FMN2: variants seen among roughly 807,000 people sequenced by gnomAD.
The protein encoded by FMN2 is formin 2, also known as formin-2.
FMN2 carries 51 observed loss-of-function variants against 142.3 expected under a neutral mutation model. The observed-to-expected ratio is 0.36, with a 90% CI of 0.29 to 0.45. The LOEUF (loss-of-function observed/expected upper bound fraction) is 0.45. Among genes scored for constraint, FMN2 ranks in the 20% least tolerant of loss-of-function variants. The pLI is 1.00. For missense variants in FMN2, 1,936 were observed against 2,122.8 expected (o/e 0.91, Z 1.73); for synonymous variants, 882 against 869.8 (o/e 1.01, Z -0.25).
At position 240,227,842 on chromosome 1, in the gene FMN2, C is replaced by A. The variant is rs373646120; in HGVS notation, c.4065+16607C>A. Among the ~76,000 whole-genome samples the A allele has an allele frequency of 2.6e-5, 4 of 152,186 alleles. No homozygotes were observed. In the East Asian group the frequency reaches 7.7e-4, roughly 29 times the overall value. On this transcript the variant is annotated intron_variant, in intron 6 of 17. Transcript: ENST00000319653. ...ATAGATTATTCTACATCAAAGTTAA[C>A]AATTTTGAATCTACAAACAATACCA...
At chr1:240,370,924 A>C (rs1204703135) in intron 14 of FMN2, among the ~76,000 whole-genome samples, 1 of 152,092 alleles carries the variant, frequency 6.6e-6, no homozygotes, top group Non-Finnish European at 1.5e-5. Context: ...AACTATGTAA[A>C]ATATCAAAAA....
intron 5 of FMN2, 24 bp from the exon 6 acceptor site, chr1:240,211,067 T>C: frequency 6.3e-7 from 1 of 1,590,648 alleles, no homozygotes; most frequent in Non-Finnish European, 8.5e-7. Flanking sequence ...ATGGCTGTTT[T>C]ATTGTTCTTT....
chr1:240,228,187 C>T (rs1254406533), intron 6 of FMN2, among the ~76,000 whole-genome samples: 1 of 150,836 alleles, frequency 6.6e-6, no homozygotes, highest in African/African-American at 2.4e-5. Flanking sequence ...CCTATAATCC[C>T]AGCTACTCGG....
intron 15 of FMN2, among the ~76,000 whole-genome samples, chr1:240,417,335 T>A (rs952616776): frequency 6.6e-6 from 1 of 151,780 alleles, no homozygotes; most frequent in African/African-American, 2.4e-5. Flanking sequence ...AAAGTCAGCT[T>A]CTTCCAGAGA....
intron 1 of FMN2, among the ~76,000 whole-genome samples, chr1:240,101,709 A>ATT (rs776711940): frequency 3.0e-4 from 42 of 137,860 alleles, no homozygotes; most frequent in African/African-American, 8.0e-4. Context: ...TGCCTGGCTA[A>ATT]TTTTTTTTTT....
intron 6 of FMN2, among the ~76,000 whole-genome samples, chr1:240,217,676 A>G (rs1666955585): frequency 6.6e-6 from 1 of 151,858 alleles, no homozygotes; most frequent in Admixed American, 6.6e-5. Context: ...TTTTTTGAAG[A>G]TGCTATTCCT....
intron 16 of FMN2, among the ~76,000 whole-genome samples, chr1:240,471,093 T>C (rs1440605048): frequency 6.6e-6 from 1 of 152,224 alleles, no homozygotes; most frequent in African/African-American, 2.4e-5. Flanking sequence ...TACAGGACTT[T>C]GCTCCAAATA....
intron 7 of FMN2, among the ~76,000 whole-genome samples, chr1:240,284,979 C>T (rs562707462): frequency 6.6e-6 from 1 of 152,128 alleles, no homozygotes; most frequent in East Asian, 1.9e-4. Context: ...TGGATGTTGG[C>T]CTTCCTAAAT....
chr1:240,158,517 A>G (rs747338716), intron 2 of FMN2, among the ~76,000 whole-genome samples: 5 of 152,206 alleles, frequency 3.3e-5, no homozygotes, highest in Non-Finnish European at 5.9e-5. Context: ...AGGTCAACCA[A>G]TAATTCAGAC....
chr1:240,274,183 A>G (rs1270055271), intron 7 of FMN2, among the ~76,000 whole-genome samples: 2 of 151,812 alleles, frequency 1.3e-5, no homozygotes, highest in Admixed American at 6.6e-5. Context: ...GTGTTCCCAT[A>G]GAAGAAAAAC....
chr1:240,243,449 A>T (rs926727453), intron 6 of FMN2, among the ~76,000 whole-genome samples: 5 of 152,134 alleles, frequency 3.3e-5, no homozygotes, highest in African/African-American at 1.2e-4. Flanking sequence ...TGGCCAATGT[A>T]TGGGTTGTTC....
rs533992886 is a variant in FMN2, at chr1:240,115,972, T to A, written c.1616-7207T>A. On this transcript the variant is annotated intron_variant, in intron 1 of 17. Transcript: ENST00000319653. ...GAGGGCCCCTCCCCCTTAAAGAACA[T>A]ACAGGGCAACTTCCTGAGGTTGCCA... is the stretch of plus-strand genomic sequence containing the variant. Among the ~76,000 whole-genome samples, 127 of 152,258 alleles carry A rather than the reference T, an allele frequency of 8.3e-4. 1 individual carries two copies. The highest frequency in any genetic ancestry group is 2.5e-3 in the African/African-American group (102 of 41,572).
chr1:240,228,419 G>C (rs1202053757), intron 6 of FMN2, among the ~76,000 whole-genome samples: 1 of 148,538 alleles, frequency 6.7e-6, no homozygotes, highest in African/African-American at 2.5e-5. Context: ...TCTCAAATAA[G>C]CACATAAAAG....
At chr1:240,105,596 T>C (rs113095936) in intron 1 of FMN2, among the ~76,000 whole-genome samples, 2,326 of 152,294 alleles carry the variant, frequency 0.015, 63 homozygotes, top group African/African-American at 0.053. Flanking sequence ...TTCATTTTAA[T>C]AGAGTTTAGA....
At chr1:240,380,154 T>C (rs1016238112) in intron 14 of FMN2, among the ~76,000 whole-genome samples, 1 of 152,180 alleles carries the variant, frequency 6.6e-6, no homozygotes, top group Non-Finnish European at 1.5e-5. Flanking sequence ...TTATAGAATA[T>C]TCTACTTCAC....
At chr1:240,272,043 A>G (rs970716996) in intron 7 of FMN2, among the ~76,000 whole-genome samples, 1 of 152,102 alleles carries the variant, frequency 6.6e-6, no homozygotes, top group Non-Finnish European at 1.5e-5. Flanking sequence ...GCATATGGTT[A>G]TTCTTTTCCC....
intron 6 of FMN2, among the ~76,000 whole-genome samples, chr1:240,232,659 T>C (rs1047750483): frequency 1.7e-4 from 26 of 152,304 alleles, no homozygotes; most frequent in Non-Finnish European, 3.2e-4. Context: ...CTATAACATA[T>C]GACTCATACC....
chr1:240,139,604 G>A (rs1453925821), intron 2 of FMN2, among the ~76,000 whole-genome samples: 1 of 152,196 alleles, frequency 6.6e-6, no homozygotes, highest in South Asian at 2.1e-4. Flanking sequence ...GAAAGAAGGA[G>A]TGTTAAGTGA....
At chr1:240,189,820 G>T (rs1249922109) in intron 4 of FMN2, among the ~76,000 whole-genome samples, 5 of 152,190 alleles carry the variant, frequency 3.3e-5, no homozygotes, top group South Asian at 2.1e-4. Flanking sequence ...AAAAGAAATA[G>T]TAAAGTCAGC....
Sources: gnomAD v4.1 joint callset for allele counts (sites outside exome capture counted in the v4.1 genomes callset) on GRCh38, gnomAD v4.1.1 for gene constraint, MANE v1.5 for transcripts, NCBI Gene and HGNC (gene_info 2026-07-23, HGNC 2026-07-21) for gene names.